RTN1: variants seen among roughly 807,000 people sequenced by gnomAD.
RTN1 encodes the protein reticulon 1, also known as reticulon-1.
RTN1 carries 25 observed loss-of-function variants against 65.5 expected under a neutral mutation model. That is an observed-to-expected ratio of 0.38 (90% CI 0.28 to 0.53). RTN1 has a LOEUF of 0.53. RTN1 is among the 20% of genes least tolerant of loss of function. RTN1 has a pLI of 0.79. For synonymous variants in RTN1, 471 were observed against 447.6 expected, an observed-to-expected ratio of 1.05 and a Z score of -0.66; for missense variants, 983 against 1,025.4, an observed-to-expected ratio of 0.96 and a Z score of 0.57.
rs1887465801 is a variant in RTN1, at chr14:59,849,396, C to T, written c.241+20994G>A. The stretch of plus-strand genomic sequence containing the variant: ...AAAACCAATTAACTCCCTGATATTG[C>T]TATCTAAACACTGCATTTGCAAATC... On this transcript the variant is annotated intron_variant, in intron 1 of 8. Transcript: ENST00000267484. The surrounding 1 kb of genome is among the most constrained non-coding windows in gnomAD (Gnocchi z 4.5). Among the ~76,000 whole-genome samples, 1 of 152,162 alleles carries T rather than the reference C, an allele frequency of 6.6e-6. No homozygotes were observed. Among genetic ancestry groups the T allele is most frequent in the Non-Finnish European group, 1.5e-5 (1 of 68,028 alleles).
At chr14:59,614,039 T>C (rs1199358108) in intron 3 of RTN1, among the ~76,000 whole-genome samples, 1 of 152,128 alleles carries the variant, frequency 6.6e-6, no homozygotes, top group Admixed American at 6.5e-5. Context: ...AGGAGAAGCA[T>C]GCTCTTGGCT....
chr14:59,750,186 C>CATATATTATATCTATAATATATAATAT (rs1303562439), intron 1 of RTN1, among the ~76,000 whole-genome samples: 36 of 32,318 alleles, frequency 1.1e-3, no homozygotes, highest in Admixed American at 2.4e-3. Context: ...ATATATAATA[C>CATATATTATATCTATAATATATAATAT]ATATATTATA....
At chr14:59,809,424 C>T (rs542885370) in intron 1 of RTN1, among the ~76,000 whole-genome samples, 12 of 150,634 alleles carry the variant, frequency 8.0e-5, no homozygotes, top group Non-Finnish European at 1.5e-4. Context: ...TTTAGATTGA[C>T]AATCTATAGT....
At chr14:59,841,487 GGAGTTCGA>G in intron 1 of RTN1, among the ~76,000 whole-genome samples, 1 of 152,256 alleles carries the variant, frequency 6.6e-6, no homozygotes, top group Non-Finnish European at 1.5e-5. Context: ...CTCGAGGTCA[GGAGTTCGA>G]GACCAGCCTG....
chr14:59,700,749 A>C (rs1373266250), intron 3 of RTN1, among the ~76,000 whole-genome samples: 1 of 152,172 alleles, frequency 6.6e-6, no homozygotes, highest in Non-Finnish European at 1.5e-5. Flanking sequence ...AAAGAACTAA[A>C]ACTTTAAAAC....
chr14:59,655,316 T>A (rs1342972920), intron 3 of RTN1, among the ~76,000 whole-genome samples: 3 of 152,224 alleles, frequency 2.0e-5, no homozygotes, highest in Non-Finnish European at 1.5e-5. Context: ...AATACCTAAT[T>A]AAATGAAATG....
At chr14:59,637,710 CAA>C (rs36015610) in intron 3 of RTN1, among the ~76,000 whole-genome samples, 18 of 112,214 alleles carry the variant, frequency 1.6e-4, no homozygotes, top group African/African-American at 2.6e-4. Context: ...GACTCCGTCT[CAA>C]AAAAAAAAAA....
intron 3 of RTN1, among the ~76,000 whole-genome samples, chr14:59,651,079 GCAATCA>G (rs1413470394): frequency 1.3e-5 from 2 of 152,004 alleles, no homozygotes; most frequent in Admixed American, 6.6e-5. Flanking sequence ...AAAAGCTAAG[GCAATCA>G]CAAGCAAAAA....
chr14:59,828,713 C>T (rs1832770354), intron 1 of RTN1, among the ~76,000 whole-genome samples: 1 of 152,202 alleles, frequency 6.6e-6, no homozygotes, highest in Admixed American at 6.5e-5. Context: ...ACATGCACTG[C>T]TGACTTCAAC....
chr14:59,669,890 CT>C (rs923313160), intron 3 of RTN1, among the ~76,000 whole-genome samples: 32 of 152,232 alleles, frequency 2.1e-4, no homozygotes, highest in African/African-American at 7.5e-4. Flanking sequence ...TCCCTGGCCC[CT>C]TCATCATGCA....
chr14:59,600,473 GTCTGAT>G (rs1249137207), intron 8 of RTN1, among the ~76,000 whole-genome samples: 3 of 152,168 alleles, frequency 2.0e-5, no homozygotes, highest in Non-Finnish European at 4.4e-5. Context: ...GACTCAGTCT[GTCTGAT>G]TCTAACAATC....
At chr14:59,807,987 C>A (rs1334166209) in intron 1 of RTN1, among the ~76,000 whole-genome samples, 2 of 152,040 alleles carry the variant, frequency 1.3e-5, no homozygotes, top group East Asian at 3.9e-4. Flanking sequence ...TTAAGCCAAG[C>A]GAGTCATACA....
At chr14:59,714,317 C>T (rs1299871332) in intron 3 of RTN1, among the ~76,000 whole-genome samples, 1 of 151,910 alleles carries the variant, frequency 6.6e-6, no homozygotes, top group Non-Finnish European at 1.5e-5. Flanking sequence ...TCTTCTTTCT[C>T]AATTTTATAT....
intron 8 of RTN1, 136 bp from the exon 9 acceptor site, chr14:59,596,923 TC>T (rs201579279): frequency 0.066 from 41,421 of 623,798 alleles, 1,802 homozygotes; most frequent in Non-Finnish European, 0.085. Context: ...TGTAAGTACA[TC>T]TGCAAATACT....
chr14:59,823,390 T>C (rs767121775), intron 1 of RTN1, among the ~76,000 whole-genome samples: 1 of 152,126 alleles, frequency 6.6e-6, no homozygotes, highest in Non-Finnish European at 1.5e-5. Context: ...TCCTTTTACT[T>C]TGAGCCTATG....
intron 3 of RTN1, among the ~76,000 whole-genome samples, chr14:59,675,039 G>T (rs1349298955): frequency 6.8e-6 from 1 of 148,136 alleles, no homozygotes; most frequent in Non-Finnish European, 1.5e-5. Flanking sequence ...GCCCAGTGGG[G>T]TATGCAGATG....
intron 1 of RTN1, among the ~76,000 whole-genome samples, chr14:59,842,306 C>T (rs1198745207): frequency 1.3e-5 from 2 of 151,868 alleles, no homozygotes; most frequent in Non-Finnish European, 2.9e-5. Flanking sequence ...CCTAAGAAAA[C>T]TAATGGAATA....
chr14:59,777,060 A>G (rs1293833793), intron 1 of RTN1, among the ~76,000 whole-genome samples: 1 of 152,174 alleles, frequency 6.6e-6, no homozygotes, highest in Non-Finnish European at 1.5e-5. Flanking sequence ...ACCTAGGAAG[A>G]CTGAACATGT....
intron 1 of RTN1, among the ~76,000 whole-genome samples, chr14:59,824,080 G>A (rs1045204167): frequency 6.6e-6 from 1 of 152,142 alleles, no homozygotes; most frequent in African/African-American, 2.4e-5. Context: ...CACCTCTGCA[G>A]TGTTATTTAA....
Sources: allele counts gnomAD v4.1 joint callset (sites outside exome capture counted in the v4.1 genomes callset), GRCh38; gene constraint gnomAD v4.1.1; non-coding constraint Gnocchi (gnomAD v3.1); transcripts MANE v1.5; gene names NCBI Gene and HGNC (gene_info 2026-07-23, HGNC 2026-07-21).